The following ZNF382 variants were observed in gnomAD, a reference collection of about 807,000 sequenced individuals.
The protein encoded by ZNF382 is zinc finger protein 382, also known as KRAB/zinc finger suppressor protein 1.
A neutral mutation model predicts 38.8 loss-of-function variants in ZNF382; 20 were observed. That is an observed-to-expected ratio of 0.51 (90% CI 0.36 to 0.75). The LOEUF (loss-of-function observed/expected upper bound fraction) is 0.75, where lower values mean the gene tolerates loss of function less well. Among genes scored for constraint, ZNF382 ranks in the 30% least tolerant of loss-of-function variants. The pLI, the probability that ZNF382 is intolerant of heterozygous loss-of-function variation, is 0.00. For synonymous variants in ZNF382, 202 were observed against 223.1 expected, an observed-to-expected ratio of 0.91 and a Z score of 0.84; for missense variants, 546 against 654.1, an observed-to-expected ratio of 0.83 and a Z score of 1.80.
chr19:36,614,914 C>CGTTTCCCT (rs1555793084), intron 4 of ZNF382, among the ~76,000 whole-genome samples: 1 of 90,788 alleles, frequency 1.1e-5, no homozygotes. Flanking sequence ...CTTTCCTTTC[C>CGTTTCCCT]TTCCCTTTCC....
At position 36,627,273 on chromosome 19, in the gene ZNF382, CG is replaced by C; in HGVS notation, c.1381del (p.Glu461LysfsTer84). 1 of 1,611,156 alleles carries C rather than the reference CG, an allele frequency of 6.2e-7. No homozygotes were observed. Among genetic ancestry groups the C allele is most frequent in the Non-Finnish European group, 8.5e-7 (1 of 1,179,270 alleles). Reference sequence around the variant, plus strand: ...CTCACTCTCCACCAGAGAATTCACACGGGGGAAAAACCCTATATTTGTAATG... The same window carrying C: ...CTCACTCTCCACCAGAGAATTCACACGGGGAAAAACCCTATATTTGTAATG... Reference protein sequence around the residue: ...TTLTLHQRIHTGEKPYICNEC... With the variant: ...TTLTLHQRIHXGEKPYICNEC... On this transcript the variant is annotated frameshift_variant, in exon 5 of 5. Coordinates refer to ENST00000292928, the MANE Select transcript of ZNF382 (RefSeq NM_032825.5). LOFTEE classifies it high-confidence loss of function.
chr19:36,619,352 G>A (rs2037150310), intron 4 of ZNF382, among the ~76,000 whole-genome samples: 1 of 152,184 alleles, frequency 6.6e-6, no homozygotes, highest in African/African-American at 2.4e-5. Flanking sequence ...AGGAAAGGAT[G>A]TGGAAAGGGT....
At chr19:36,625,270 C>T (rs1377150994) in intron 4 of ZNF382, among the ~76,000 whole-genome samples, 3 of 151,176 alleles carry the variant, frequency 2.0e-5, no homozygotes, top group African/African-American at 7.3e-5. Flanking sequence ...CATCTAGGGC[C>T]TAGACTGTAG....
chr19:36,624,200 A>G (rs1273292487), intron 4 of ZNF382, among the ~76,000 whole-genome samples: 1 of 152,236 alleles, frequency 6.6e-6, no homozygotes, highest in East Asian at 1.9e-4. Flanking sequence ...TTACCAATAC[A>G]GATTAGTTTT....
intron 4 of ZNF382, among the ~76,000 whole-genome samples, chr19:36,623,878 C>T (rs563794973): frequency 2.0e-5 from 3 of 151,238 alleles, no homozygotes; most frequent in Non-Finnish European, 2.9e-5. Context: ...ATTACAAGGT[C>T]GGGAGTTCGA....
chr19:36,623,030 A>G lies in ZNF382; in HGVS notation c.233-3100A>G, dbSNP rs562327604. Among the ~76,000 whole-genome samples the G allele has an allele frequency of 3.3e-5, 5 of 152,188 alleles. No individual in the cohort carries two copies. In the East Asian group the frequency reaches 9.6e-4, roughly 29 times the overall value. Reference sequence around the variant, plus strand: ...CTAGTAATTTGGTACCTAATTCAACATTGTTTTATATGACATTTCTTTCTC... The same window carrying G: ...CTAGTAATTTGGTACCTAATTCAACGTTGTTTTATATGACATTTCTTTCTC... On this transcript the variant is annotated intron_variant, in intron 4 of 4. Transcript: ENST00000292928.
chr19:36,632,586 A>G lies in ZNF382; in HGVS notation c.*5036A>G, dbSNP rs1166265999. 2 of 152,266 alleles carry G rather than the reference A, an allele frequency of 1.3e-5. No homozygotes were observed. Among genetic ancestry groups the G allele is most frequent in the African/African-American group, 4.8e-5 (2 of 41,468 alleles). 9.4% of individuals were successfully genotyped at this position (152,266 alleles called of 1,614,324 possible). A position where few individuals can be genotyped will look rare whatever the true frequency, so the allele number is the denominator to read the frequency against. On this transcript the variant is annotated 3_prime_UTR_variant, in exon 5 of 5. Transcript: ENST00000292928. ...GTAAGTTTAAAAAAGTTAAAAAGCC[A>G]TCATAAACAAATTGGCTCTGGGAGT...
At chr19:36,611,972 A>G (rs2037081016) in intron 4 of ZNF382, among the ~76,000 whole-genome samples, 3 of 152,204 alleles carry the variant, frequency 2.0e-5, no homozygotes, top group African/African-American at 7.2e-5. Context: ...TTGTGGAAAT[A>G]TTGCTGCTAT....
Position 36,626,591 on chromosome 19 carries a change from A to G in ZNF382, c.694A>G (p.Arg232Gly), listed in dbSNP as rs199907658. The change falls in exon 5 of 5, where the codon AGA (arginine) becomes GGA (glycine). Residue 232 changes from arginine to glycine, a missense_variant. Transcript: ENST00000292928. ...LMKGMLFTHT[R>G]AHRGERTFEY... ...GAAAGGAATGCTATTTACACATACT[A>G]GAGCTCACAGAGGAGAAAGAACCTT... 5 of 1,614,202 alleles carry G rather than the reference A, an allele frequency of 3.1e-6. No individual in the cohort carries two copies. Among genetic ancestry groups the G allele is most frequent in the Non-Finnish European group, 4.2e-6 (5 of 1,180,038 alleles).
intron 4 of ZNF382, among the ~76,000 whole-genome samples, chr19:36,612,734 A>G (rs1369895093): frequency 6.6e-6 from 1 of 152,156 alleles, no homozygotes; most frequent in African/African-American, 2.4e-5. Flanking sequence ...AACTTTTTCA[A>G]GTGCATTTTA....
Position 36,627,321 on chromosome 19 carries a change from A to G in ZNF382, c.1424A>G (p.Gln475Arg). ...AATGAATGTGGGAAGTCCTTCCGCC[A>G]GAAGGCAATCCTCACTGTTCATCAC... The part of the protein sequence containing the change: ...ICNECGKSFR[Q>R]KAILTVHHRI... The change falls in exon 5 of 5, where the codon CAG becomes CGG. Residue 475 changes from glutamine to arginine, a missense_variant. Transcript: ENST00000292928. 1 of 1,614,236 alleles carries G rather than the reference A, an allele frequency of 6.2e-7. No individual in the cohort carries two copies. Among genetic ancestry groups the G allele is most frequent in the Non-Finnish European group, 8.5e-7 (1 of 1,180,036 alleles).
chr19:36,610,136 A>G (rs2037065653), intron 3 of ZNF382, 83 bp downstream of exon 3: 1 of 1,513,236 alleles, frequency 6.6e-7, no homozygotes, highest in African/African-American at 1.4e-5. Flanking sequence ...AATTTCAGGG[A>G]TTAGAGGTGA....
intron 4 of ZNF382, among the ~76,000 whole-genome samples, chr19:36,614,838 G>T (rs947640810): frequency 6.6e-6 from 1 of 151,810 alleles, no homozygotes; most frequent in African/African-American, 2.4e-5. Flanking sequence ...TTGAACCCGG[G>T]AGTCGGAGGT....
At chr19:36,609,837 A>G (rs2037062916) in intron 2 of ZNF382, 65 bp from the exon 3 acceptor site, 3 of 1,433,398 alleles carry the variant, frequency 2.1e-6, no homozygotes, top group Non-Finnish European at 2.8e-6. Context: ...AACTAGTCTG[A>G]CCAGTAAACA....
At position 36,629,395 on chromosome 19, in the gene ZNF382, C is replaced by T. The variant is rs1037424423; in HGVS notation, c.*1845C>T. The T allele has an allele frequency of 7.2e-5, 11 of 152,106 alleles. No individual in the cohort carries two copies. Among genetic ancestry groups the T allele is most frequent in the Non-Finnish European group, 1.3e-4 (9 of 68,058 alleles). The allele number at this position is 152,106 out of a possible 1,614,324, so 9.4% of individuals were successfully genotyped here. A position where few individuals can be genotyped will look rare whatever the true frequency, so the allele number is the denominator to read the frequency against. On this transcript the variant is annotated 3_prime_UTR_variant, in exon 5 of 5. Coordinates refer to ENST00000292928, the MANE Select transcript of ZNF382 (RefSeq NM_032825.5). Reference sequence around the variant, plus strand: ...TCAGCTGCCAACCATGTAAGTGAGGCCTCTTGGACATCCAGTCAAGCCTTC... The same window carrying T: ...TCAGCTGCCAACCATGTAAGTGAGGTCTCTTGGACATCCAGTCAAGCCTTC...
chr19:36,618,376 C>T (rs1363030410), intron 4 of ZNF382, among the ~76,000 whole-genome samples: 4 of 152,152 alleles, frequency 2.6e-5, no homozygotes, highest in Non-Finnish European at 4.4e-5. Context: ...GCAATCTTGC[C>T]CTGCAGCAAT....
chr19:36,613,354 A>G (rs564429334), intron 4 of ZNF382, among the ~76,000 whole-genome samples: 1 of 151,390 alleles, frequency 6.6e-6, no homozygotes, highest in East Asian at 1.9e-4. Flanking sequence ...TTTTCTAGGT[A>G]TAGTGAGGAT....
At position 36,622,487 on chromosome 19, in the gene ZNF382, G is replaced by A. The variant is rs78473747; in HGVS notation, c.233-3643G>A. 5.6e-3 allele frequency among the ~76,000 whole-genome samples: 855 copies of A among 152,258 alleles called. 24 individuals are homozygous for A. Among genetic ancestry groups the A allele is most frequent in the Admixed American group, 0.037 (568 of 15,288 alleles). The stretch of plus-strand genomic sequence containing the variant: ...TGCAGCTTCTAGTCGCCCTATCGCC[G>A]TGGAGTCATGGATATCAATCCTGGC... On this transcript the variant is annotated intron_variant, in intron 4 of 4. Transcript: ENST00000292928.
At chr19:36,614,401 A>G (rs941912611) in intron 4 of ZNF382, among the ~76,000 whole-genome samples, 1 of 152,132 alleles carries the variant, frequency 6.6e-6, no homozygotes, top group African/African-American at 2.4e-5. Flanking sequence ...TTCTTCTCAA[A>G]TTCATTTTGG....
Sources: allele counts gnomAD v4.1 joint callset (sites outside exome capture counted in the v4.1 genomes callset), GRCh38; gene constraint gnomAD v4.1.1; transcripts MANE v1.5; gene names NCBI Gene and HGNC (gene_info 2026-07-23, HGNC 2026-07-21).